The following SCHIP1 variants were observed in gnomAD, a reference collection of about 807,000 sequenced individuals.
SCHIP1 encodes schwannomin-interacting protein 1.
SCHIP1 carries 8 observed loss-of-function variants against 29.7 expected under a neutral mutation model. The observed-to-expected ratio is 0.27, with a 90% CI of 0.16 to 0.49. SCHIP1 has a LOEUF of 0.49. Among genes scored for constraint, SCHIP1 ranks in the 20% least tolerant of loss-of-function variants. The pLI is 0.99. For synonymous variants in SCHIP1, 76 were observed against 94.9 expected, an observed-to-expected ratio of 0.80 and a Z score of 1.16; for missense variants, 193 against 294.6, an observed-to-expected ratio of 0.66 and a Z score of 2.52.
the SCHIP1 span, among the ~76,000 whole-genome samples, chr3:159,503,529 A>G: frequency 1.3e-5 from 2 of 152,240 alleles, no homozygotes; most frequent in East Asian, 1.9e-4. Flanking sequence ...GGAACCTGAC[A>G]GTAAAAGCCA....
At chr3:159,576,124 CAT>C in the SCHIP1 span, among the ~76,000 whole-genome samples, 5 of 152,014 alleles carry the variant, frequency 3.3e-5, no homozygotes, top group Non-Finnish European at 7.4e-5. Context: ...ATGTTTATAA[CAT>C]AAAGAAATGA....
chr3:159,843,554 C>G (rs538498205), intron 1 of SCHIP1, among the ~76,000 whole-genome samples: 46 of 152,100 alleles, frequency 3.0e-4, no homozygotes, highest in Admixed American at 3.0e-3. Context: ...GGCGTGGTGG[C>G]TCACGCCTGT....
chr3:159,447,103 A>G, the SCHIP1 span, among the ~76,000 whole-genome samples: 1 of 152,196 alleles, frequency 6.6e-6, no homozygotes, highest in African/African-American at 2.4e-5. Context: ...ACTGACTCCA[A>G]CTAAACACAA....
chr3:159,439,488 A>G, the SCHIP1 span, among the ~76,000 whole-genome samples: 1 of 152,240 alleles, frequency 6.6e-6, no homozygotes, highest in Non-Finnish European at 1.5e-5. Context: ...CCATGATTCA[A>G]TTACCTCCAG....
the SCHIP1 span, among the ~76,000 whole-genome samples, chr3:159,617,219 A>G: frequency 6.6e-6 from 1 of 152,170 alleles, no homozygotes; most frequent in Non-Finnish European, 1.5e-5. Context: ...GGTAGAGAGA[A>G]AGAGACCCCA....
the SCHIP1 span, among the ~76,000 whole-genome samples, chr3:159,420,634 G>A: frequency 1.3e-5 from 2 of 152,200 alleles, no homozygotes; most frequent in African/African-American, 2.4e-5. Flanking sequence ...AGAACCAGAA[G>A]AGGTCTCAAA....
chr3:159,820,799 A>C, the SCHIP1 span, among the ~76,000 whole-genome samples: 1 of 152,238 alleles, frequency 6.6e-6, no homozygotes, highest in Non-Finnish European at 1.5e-5. Flanking sequence ...TGACTAGCCA[A>C]GAAAATGGAT....
intron 1 of SCHIP1, among the ~76,000 whole-genome samples, chr3:159,844,671 T>C (rs573358810): frequency 6.6e-5 from 10 of 152,236 alleles, no homozygotes; most frequent in Non-Finnish European, 1.3e-4. Context: ...TTAGAAATAT[T>C]GTAAACTTGA....
At chr3:159,673,517 T>G in the SCHIP1 span, among the ~76,000 whole-genome samples, 1 of 152,356 alleles carries the variant, frequency 6.6e-6, no homozygotes, top group Non-Finnish European at 1.5e-5. Flanking sequence ...CCATATCTCT[T>G]GTCAGTAATG....
chr3:159,789,002 A>G, the SCHIP1 span, among the ~76,000 whole-genome samples: 2 of 152,182 alleles, frequency 1.3e-5, no homozygotes, highest in African/African-American at 4.8e-5. Context: ...ACCAGTAAGC[A>G]TAATGCAAAT....
the SCHIP1 span, among the ~76,000 whole-genome samples, chr3:159,312,014 T>C: frequency 6.6e-6 from 1 of 152,166 alleles, no homozygotes; most frequent in Non-Finnish European, 1.5e-5. Flanking sequence ...AACCATAGCC[T>C]AGACAACACA....
the SCHIP1 span, among the ~76,000 whole-genome samples, chr3:159,818,179 G>A: frequency 1.3e-5 from 2 of 152,176 alleles, no homozygotes; most frequent in African/African-American, 4.8e-5. Flanking sequence ...CTCAAATGAT[G>A]TAGATGAAGA....
At chr3:159,682,888 T>C in the SCHIP1 span, among the ~76,000 whole-genome samples, 1 of 152,188 alleles carries the variant, frequency 6.6e-6, no homozygotes, top group South Asian at 2.1e-4. Context: ...CTTTTAACCG[T>C]GACCTTGATA....
chr3:159,375,845 T>G, the SCHIP1 span: 1 of 699,244 alleles, frequency 1.4e-6, no homozygotes, highest in Non-Finnish European at 1.8e-6. Context: ...ATGAAAGGAT[T>G]TGGAAGTCAG....
the SCHIP1 span, among the ~76,000 whole-genome samples, chr3:159,437,588 G>T: frequency 0.48 from 73,496 of 151,642 alleles, 18,227 homozygotes; most frequent in African/African-American, 0.53. Flanking sequence ...GTGAAATTCC[G>T]GAGGAAGGAG....
the SCHIP1 span, among the ~76,000 whole-genome samples, chr3:159,610,521 C>T: frequency 6.6e-6 from 1 of 152,156 alleles, no homozygotes. Context: ...TTCAAAGACC[C>T]TTGCAGTGGA....
chr3:159,357,480 T>C, the SCHIP1 span, among the ~76,000 whole-genome samples: 1 of 152,168 alleles, frequency 6.6e-6, no homozygotes, highest in African/African-American at 2.4e-5. Flanking sequence ...TCAGGTAAGT[T>C]CTATCAATGA....
chr3:159,375,799 T>C, the SCHIP1 span: 1 of 884,478 alleles, frequency 1.1e-6, no homozygotes, highest in East Asian at 1.2e-4. Context: ...GTTTTTGGAG[T>C]TGGGAAAAGT....
intron 1 of SCHIP1, among the ~76,000 whole-genome samples, chr3:159,857,421 G>A (rs1005072143): frequency 2.0e-5 from 3 of 152,082 alleles, no homozygotes; most frequent in Non-Finnish European, 4.4e-5. Context: ...TTTCGTGTGT[G>A]TGTATGGCTT....
Sources: allele counts gnomAD v4.1 joint callset (sites outside exome capture counted in the v4.1 genomes callset), GRCh38; gene constraint gnomAD v4.1.1; transcripts MANE v1.5; gene names NCBI Gene and HGNC (gene_info 2026-07-23, HGNC 2026-07-21).